The following CLIC1 variants were observed in gnomAD, a reference collection of about 807,000 sequenced individuals.
CLIC1 encodes the protein CLIC family member 1.
Under a neutral mutation model 26.4 loss-of-function variants are expected in CLIC1, and 16 were observed. The observed-to-expected ratio is 0.61, with a 90% CI of 0.41 to 0.92. The LOEUF (loss-of-function observed/expected upper bound fraction) is 0.92. Among genes scored for constraint, CLIC1 ranks in the 40% least tolerant of loss-of-function variants. The pLI is 0.00. For synonymous variants in CLIC1, 98 were observed against 120.8 expected (o/e 0.81, Z 1.24); for missense variants, 225 against 289.7 (o/e 0.78, Z 1.62).
intron 1 of CLIC1, among the ~76,000 whole-genome samples, chr6:31,735,213 G>C (rs983223499): frequency 9.9e-5 from 15 of 151,662 alleles, no homozygotes; most frequent in Non-Finnish European, 2.1e-4. Context: ...AGGGGGGAAG[G>C]GGAAAGAAAG....
Position 31,736,110 on chromosome 6 carries a change from C to T in CLIC1, c.39+152G>A. 1.4e-6 allele frequency: 1 copy of T among 730,828 alleles called. No homozygotes were observed. The highest frequency in any genetic ancestry group is 2.4e-5 in the Admixed American group (1 of 42,238). 45.3% of individuals were successfully genotyped at this position (730,828 alleles called of 1,614,324 possible). ...TACTTGCTAACAAGTTAATGTCTTC[C>T]CCTCTCAAAACCACCCCTCAACCAA... On this transcript the variant is annotated intron_variant, in intron 1 of 5. Coordinates refer to ENST00000375784, the Ensembl canonical transcript of CLIC1. This position sits in a 1 kb window ranked among gnomAD's most constrained non-coding sequence, Gnocchi z 5.0.
At chr6:31,737,005 C>T, upstream of CLIC1, 5 of 948,540 alleles carry the variant, frequency 5.3e-6, no homozygotes, top group Middle Eastern at 5.4e-4. Context: ...GACGCCAGCA[C>T]TCCCTGAGCT....
rs1416150684 is a variant in CLIC1 at position 31,732,345 on chromosome 6, ATGT to A, written c.433_435del (p.Thr145del). On this transcript the variant is annotated inframe_deletion, in exon 5 of 6. Transcript: ENST00000375784. This position sits in a 1 kb window ranked among gnomAD's most constrained non-coding sequence, Gnocchi z 5.0. ...TCATCCACTTCTTCTGGGAGGGGGG[ATGT>A]TAAGTAATTGTCTAAAACCTTCAGG... The A allele has an allele frequency of 1.9e-6, 3 of 1,593,134 alleles. No homozygotes were observed. The highest frequency in any genetic ancestry group is 2.6e-6 in the Non-Finnish European group (3 of 1,170,472).
rs1291217059 is a variant in CLIC1, at chr6:31,734,919, CTACCCCTAACCTGCTG to C, written c.40-672_40-657del. Among the ~76,000 whole-genome samples the C allele has an allele frequency of 2.6e-5, 4 of 152,014 alleles. No homozygotes were observed. The highest frequency in any genetic ancestry group is 4.8e-5 in the African/African-American group (2 of 41,376). ...GAGGATGAGGCCTGGGCAGCTAAGGCTACCCCTAACCTGCTGCCAGGGTCTCCCAGCACAAGTCCTC... is the reference window on the plus strand; with the variant it reads ...GAGGATGAGGCCTGGGCAGCTAAGGCCCAGGGTCTCCCAGCACAAGTCCTC... On this transcript the variant is annotated intron_variant, in intron 1 of 5. Transcript: ENST00000375784. The surrounding 1 kb of genome is among the most constrained non-coding windows in gnomAD (Gnocchi z 5.3).
At position 31,736,355 on chromosome 6, in the gene CLIC1, G is replaced by A; in HGVS notation, c.-55C>T. ...CCCTGGGGGAACTGGGAGGGGCTGG[G>A]ACCGGGGAAGGCGGGTCTCACACTC... On this transcript the variant is annotated 5_prime_UTR_variant, in exon 1 of 6. Transcript: ENST00000375784. This position sits in a 1 kb window ranked among gnomAD's most constrained non-coding sequence, Gnocchi z 5.0. 6.2e-7 allele frequency: 1 copy of A among 1,611,888 alleles called. No individual in the cohort carries two copies. Among genetic ancestry groups the A allele is most frequent in the South Asian group, 1.1e-5 (1 of 91,010 alleles).
intron 5 of CLIC1, among the ~76,000 whole-genome samples, chr6:31,731,928 A>G (rs949928257): frequency 6.6e-6 from 1 of 152,230 alleles, no homozygotes; most frequent in African/African-American, 2.4e-5. Context: ...TTTGGCAGTG[A>G]TACCGAGACA....
In CLIC1 at chr6:31,736,316, C is replaced by T; in HGVS notation, c.-16G>A. On this transcript the variant is annotated 5_prime_UTR_variant, in exon 1 of 6. Coordinates refer to ENST00000375784, the Ensembl canonical transcript of CLIC1. This position sits in a 1 kb window ranked among gnomAD's most constrained non-coding sequence, Gnocchi z 5.0. The stretch of plus-strand genomic sequence containing the variant: ...CTTCAGCCATGGTTGCGTCGGGGAC[C>T]AGGAAGTGGCCGTCCCTGGGGGAAC... The T allele has an allele frequency of 1.9e-6, 3 of 1,612,810 alleles. No homozygotes were observed. The highest frequency in any genetic ancestry group is 1.7e-6 in the Non-Finnish European group (2 of 1,179,998).
rs1808338382 is a variant in CLIC1, at chr6:31,736,430, CTCAA to C, written c.-134_-131del. On this transcript the variant is annotated 5_prime_UTR_variant, in exon 1 of 6. Transcript: ENST00000375784. This position sits in a 1 kb window ranked among gnomAD's most constrained non-coding sequence, Gnocchi z 5.0. The stretch of plus-strand genomic sequence containing the variant: ...GGCTGTCCCTTCAGCACAACACAAG[CTCAA>C]TCAGACCTACTTGCACCCAAACTAG... The C allele has an allele frequency of 6.6e-7, 1 of 1,515,876 alleles. No individual in the cohort carries two copies. The highest frequency in any genetic ancestry group is 8.9e-7 in the Non-Finnish European group (1 of 1,128,666). 93.9% of individuals were successfully genotyped at this position (1,515,876 alleles called of 1,614,324 possible). A position where few individuals can be genotyped will look rare whatever the true frequency, so the allele number is the denominator to read the frequency against.
chr6:31,736,821 AG>A, upstream of CLIC1: 2 of 987,992 alleles, frequency 2.0e-6, no homozygotes, highest in Non-Finnish European at 2.4e-6. This position sits in a 1 kb window ranked among gnomAD's most constrained non-coding sequence, Gnocchi z 5.0. Flanking sequence ...GTGAAGATTC[AG>A]GGATGGGGAC....
Position 31,734,997 on chromosome 6 carries a change from C to T in CLIC1, c.40-734G>A, listed in dbSNP as rs1001886375. Among the ~76,000 whole-genome samples the T allele has an allele frequency of 1.7e-4, 26 of 152,020 alleles. No individual in the cohort carries two copies. Among genetic ancestry groups the T allele is most frequent in the African/African-American group, 6.3e-4 (26 of 41,466 alleles). On this transcript the variant is annotated intron_variant, in intron 1 of 5. Transcript: ENST00000375784. The surrounding 1 kb of genome is among the most constrained non-coding windows in gnomAD (Gnocchi z 5.3). ...ACCATCCTCTCACAGGACACAGGGC[C>T]GGAATCTCTGCGGCACAGCCTCACC...
At position 31,733,029 on chromosome 6, in the gene CLIC1, G is replaced by A. The variant is rs1238133586; in HGVS notation, c.382+537C>T. The stretch of plus-strand genomic sequence containing the variant: ...CCCAGCTACTCAGGAGGCTGAGGCA[G>A]GAGAATTGCTTGAACCCGGCAGGCA... On this transcript the variant is annotated intron_variant, in intron 4 of 5. Transcript: ENST00000375784. The surrounding 1 kb of genome is among the most constrained non-coding windows in gnomAD (Gnocchi z 5.4). Among the ~76,000 whole-genome samples, 3 of 151,852 alleles carry A rather than the reference G, an allele frequency of 2.0e-5. No homozygotes were observed. Among genetic ancestry groups the A allele is most frequent in the Non-Finnish European group, 4.4e-5 (3 of 67,980 alleles).
At position 31,733,709 on chromosome 6, in the gene CLIC1, C is replaced by T; in HGVS notation, c.276-37G>A. The T allele has an allele frequency of 6.2e-7, 1 of 1,609,554 alleles. No individual in the cohort carries two copies. Among genetic ancestry groups the T allele is most frequent in the Non-Finnish European group, 8.5e-7 (1 of 1,176,496 alleles). The stretch of plus-strand genomic sequence containing the variant: ...TGGGAAAAATGAGGTAAGATGTCTT[C>T]CTGGGAGGAACCTCAGCTAGCTCTC... On this transcript the variant is annotated intron_variant, in intron 3 of 5. Coordinates refer to ENST00000375784, the Ensembl canonical transcript of CLIC1. The surrounding 1 kb of genome is among the most constrained non-coding windows in gnomAD (Gnocchi z 5.4).
rs969049656 is a variant in CLIC1, at chr6:31,736,467, C to T, written c.-167G>A. ...TACTTGCACCCAAACTAGGCCTCCCCACCAGCCCAACGCACCCCACACCCA... is the reference window on the plus strand; with the variant it reads ...TACTTGCACCCAAACTAGGCCTCCCTACCAGCCCAACGCACCCCACACCCA... On this transcript the variant is annotated 5_prime_UTR_variant, in exon 1 of 6. Transcript: ENST00000375784. The surrounding 1 kb of genome is among the most constrained non-coding windows in gnomAD (Gnocchi z 5.0). 4.9e-6 allele frequency: 7 copies of T among 1,429,060 alleles called. No homozygotes were observed. The African/African-American group carries it at 1.0e-4, about 20-fold the overall frequency. 88.5% of individuals were successfully genotyped at this position (1,429,060 alleles called of 1,614,324 possible).
rs1316846875 is a variant in CLIC1 at position 31,734,588 on chromosome 6, G to A, written c.40-325C>T. ...AACTTCAGTGAGGCCAGAGTTGTAG[G>A]CTAGAAGCCTGGATTTCTGGGTTCC... is the stretch of plus-strand genomic sequence containing the variant. On this transcript the variant is annotated intron_variant, in intron 1 of 5. Coordinates refer to ENST00000375784, the Ensembl canonical transcript of CLIC1. This position sits in a 1 kb window ranked among gnomAD's most constrained non-coding sequence, Gnocchi z 5.3. Among the ~76,000 whole-genome samples the A allele has an allele frequency of 6.6e-6, 1 of 152,210 alleles. No homozygotes were observed. Among genetic ancestry groups the A allele is most frequent in the East Asian group, 1.9e-4 (1 of 5,188 alleles).
At chr6:31,735,503 AGT>A (rs1808267426) in intron 1 of CLIC1, among the ~76,000 whole-genome samples, 1 of 151,504 alleles carries the variant, frequency 6.6e-6, no homozygotes, top group Admixed American at 6.6e-5. Context: ...AGTTGGGGCA[AGT>A]CTTCTACTTC....
rs889136835 is a variant in CLIC1, at chr6:31,736,214, G to C, written c.39+48C>G. 1 of 1,597,482 alleles carries C rather than the reference G, an allele frequency of 6.3e-7. No individual in the cohort carries two copies. Among genetic ancestry groups the C allele is most frequent in the African/African-American group, 1.3e-5 (1 of 74,546 alleles). The stretch of plus-strand genomic sequence containing the variant: ...TAAGGCTGGACCGGGGGAAAGGTGA[G>C]AGTTGGCTTCCAGGAATTTGGGTGG... On this transcript the variant is annotated intron_variant, in intron 1 of 5. Transcript: ENST00000375784. This position sits in a 1 kb window ranked among gnomAD's most constrained non-coding sequence, Gnocchi z 5.0.
At chr6:31,735,099 C>A (rs954751409) in intron 1 of CLIC1, among the ~76,000 whole-genome samples, 3 of 151,478 alleles carry the variant, frequency 2.0e-5, no homozygotes, top group Non-Finnish European at 4.4e-5. Context: ...CCCAAGCAGG[C>A]TCCGACTTCC....
chr6:31,734,354 T>A lies in CLIC1; in HGVS notation c.40-91A>T, dbSNP rs1404638547. ...CATTCCCACTCCCAGACCAGCTGTTTTCTGCCTAGTCATGACACATACACT... is the reference window on the plus strand; with the variant it reads ...CATTCCCACTCCCAGACCAGCTGTTATCTGCCTAGTCATGACACATACACT... On this transcript the variant is annotated intron_variant, in intron 1 of 5. Coordinates refer to ENST00000375784, the Ensembl canonical transcript of CLIC1. The surrounding 1 kb of genome is among the most constrained non-coding windows in gnomAD (Gnocchi z 5.3). The A allele has an allele frequency of 1.7e-5, 16 of 957,424 alleles. No homozygotes were observed. The highest frequency in any genetic ancestry group is 2.4e-5 in the Non-Finnish European group (15 of 612,292). The allele number at this position is 957,424 out of a possible 1,614,324, so 59.3% of individuals were successfully genotyped here.
chr6:31,730,963 G>A lies in CLIC1; in HGVS notation c.605C>T (p.Ala202Val). ...CAAGTACCGATGCACTCCCCGGAAG[G>A]CCTCGGGGATGGTGAATCCCCGGTA... Residue 202 changes from alanine to valine, a missense_variant, in exon 6 of 6, where the codon GCC becomes GTC. By Grantham distance (64) the Ala-to-Val change is moderately conservative (BLOSUM62 0). Transcript: ENST00000375784. This position sits in a 1 kb window ranked among gnomAD's most constrained non-coding sequence, Gnocchi z 5.1. 2 of 1,613,000 alleles carry A rather than the reference G, an allele frequency of 1.2e-6. No homozygotes were observed. Among genetic ancestry groups the A allele is most frequent in the Non-Finnish European group, 1.7e-6 (2 of 1,180,006 alleles).
Sources: allele counts gnomAD v4.1 joint callset (sites outside exome capture counted in the v4.1 genomes callset), GRCh38; gene constraint gnomAD v4.1.1; non-coding constraint Gnocchi (gnomAD v3.1); transcripts MANE v1.5; gene names NCBI Gene and HGNC (gene_info 2026-07-23, HGNC 2026-07-21).